ENAH: variants seen among roughly 807,000 people sequenced by gnomAD.
ENAH encodes the protein protein enabled homolog.
In ENAH, 23 loss-of-function variants were observed where a neutral mutation model predicts 78.7. The ratio of observed to expected loss-of-function variants is 0.29; its 90% confidence interval spans 0.21 to 0.41. The LOEUF (loss-of-function observed/expected upper bound fraction) is 0.41. ENAH is among the 10% of genes least tolerant of loss of function. The pLI, the probability that ENAH is intolerant of heterozygous loss-of-function variation, is 1.00. For synonymous variants in ENAH, 226 were observed against 241.0 expected (o/e 0.94, Z 0.58); for missense variants, 544 against 691.0 (o/e 0.79, Z 2.39).
Position 225,492,681 on chromosome 1 carries a change from AT to A in ENAH, c.*5093del, listed in dbSNP as rs1467791869. Reference sequence around the variant, plus strand: ...ACTCAAGGCCTACTATGTGCTTTAAATGATACTAACACTTCCGTTTAGAAGG... The same window carrying A: ...ACTCAAGGCCTACTATGTGCTTTAAAGATACTAACACTTCCGTTTAGAAGG... On this transcript the variant is annotated 3_prime_UTR_variant, in exon 14 of 14. Transcript: ENST00000366843. The A allele has an allele frequency of 6.6e-6, 1 of 152,216 alleles. No individual in the cohort carries two copies. Among genetic ancestry groups the A allele is most frequent in the African/African-American group, 2.4e-5 (1 of 41,458 alleles). The allele number at this position is 152,216 out of a possible 1,614,324, so 9.4% of individuals were successfully genotyped here.
chr1:225,504,021 T>C lies in ENAH; in HGVS notation c.1539-2951A>G, dbSNP rs78036232. On this transcript the variant is annotated intron_variant, in intron 11 of 13. Coordinates refer to ENST00000366843, the MANE Select transcript of ENAH (RefSeq NM_018212.6). ...TTTTTATTTCACTTTTTTTTTTTTT[T>C]CCTAAAAGAGGGTCTCACTCTGTCA... 2.5e-3 allele frequency among the ~76,000 whole-genome samples: 383 copies of C among 151,922 alleles called. 1 individual carries two copies. The highest frequency in any genetic ancestry group is 4.1e-3 in the Non-Finnish European group (277 of 67,932).
At chr1:225,531,115 T>C (rs2096535302) in intron 3 of ENAH, 1 of 398,168 alleles carries the variant, frequency 2.5e-6, no homozygotes, top group African/African-American at 2.1e-5. Context: ...TAGACTCCAG[T>C]ATGCTAAAGC....
intron 10 of ENAH, among the ~76,000 whole-genome samples, chr1:225,511,286 C>T (rs562131912): frequency 6.6e-6 from 1 of 152,238 alleles, no homozygotes; most frequent in East Asian, 1.9e-4. Context: ...GGATACAGTA[C>T]TCATCAAGTA....
At chr1:225,599,797 A>T (rs1043684919) in intron 1 of ENAH, among the ~76,000 whole-genome samples, 13 of 80,494 alleles carry the variant, frequency 1.6e-4, no homozygotes, top group Non-Finnish European at 2.5e-4. Flanking sequence ...ACTCCGTCTT[A>T]AAAAAAAAAA....
chr1:225,616,670 ACCAC>A (rs1655764825), intron 1 of ENAH, among the ~76,000 whole-genome samples: 1 of 152,224 alleles, frequency 6.6e-6, no homozygotes, highest in Non-Finnish European at 1.5e-5. Context: ...CAAAAGTGAT[ACCAC>A]CAATCAGAAC....
intron 3 of ENAH, among the ~76,000 whole-genome samples, chr1:225,531,218 T>A (rs558648509): frequency 3.3e-5 from 5 of 152,222 alleles, no homozygotes; most frequent in African/African-American, 1.2e-4. Context: ...TAAACTTCCA[T>A]ATAGTAATTA....
intron 1 of ENAH, among the ~76,000 whole-genome samples, chr1:225,645,910 T>C (rs1406543276): frequency 6.6e-6 from 1 of 152,234 alleles, no homozygotes; most frequent in Non-Finnish European, 1.5e-5. Context: ...TACACTTAGA[T>C]ATACATACAT....
chr1:225,628,751 T>C (rs1046296842), intron 1 of ENAH, among the ~76,000 whole-genome samples: 10 of 150,976 alleles, frequency 6.6e-5, no homozygotes, highest in Non-Finnish European at 5.9e-5. Flanking sequence ...CTACTAAAAA[T>C]ACAAAAATAG....
chr1:225,504,944 C>T (rs954327576), intron 11 of ENAH: 2 of 1,468,098 alleles, frequency 1.4e-6, no homozygotes, highest in Non-Finnish European at 1.9e-6. Flanking sequence ...CTATCCTGAA[C>T]ATGTTATTTA....
At chr1:225,518,479 C>T (rs1161520143) in intron 5 of ENAH, among the ~76,000 whole-genome samples, 2 of 152,076 alleles carry the variant, frequency 1.3e-5, no homozygotes, top group African/African-American at 4.8e-5. Flanking sequence ...TTGGCCATAA[C>T]TCCAGAAAAT....
chr1:225,587,973 AATTAT>A (rs1302679648), intron 1 of ENAH, among the ~76,000 whole-genome samples: 5 of 152,216 alleles, frequency 3.3e-5, no homozygotes, highest in Non-Finnish European at 5.9e-5. Context: ...CATACAAAAA[AATTAT>A]TCAAGATATA....
chr1:225,515,965 C>T (rs978019641), intron 6 of ENAH, among the ~76,000 whole-genome samples: 1 of 152,102 alleles, frequency 6.6e-6, no homozygotes, highest in Non-Finnish European at 1.5e-5. Context: ...ATTTGTAAGT[C>T]AACAACAACA....
At chr1:225,602,248 CAA>C (rs1558889998) in intron 1 of ENAH, among the ~76,000 whole-genome samples, 2 of 152,148 alleles carry the variant, frequency 1.3e-5, no homozygotes, top group African/African-American at 4.8e-5. Context: ...CAAAGTAAAA[CAA>C]AACGAACTCC....
At position 225,611,629 on chromosome 1, in the gene ENAH, A is replaced by T. The variant is rs374123052; in HGVS notation, c.5+41057T>A. On this transcript the variant is annotated intron_variant, in intron 1 of 13. Transcript: ENST00000366843. ...GCTACCTTGCCCAGACAAAAAAAAA[A>T]TTTTTTAATTAGCCAGGTGTGGTGG... Among the ~76,000 whole-genome samples the T allele has an allele frequency of 1.1e-3, 166 of 152,086 alleles. 1 individual carries two copies. The highest frequency in any genetic ancestry group is 7.4e-3 in the East Asian group (38 of 5,168).
At position 225,519,185 on chromosome 1, in the gene ENAH, G is replaced by A. The variant is rs1477472482; in HGVS notation, c.802+13C>T. 1 of 1,611,682 alleles carries A rather than the reference G, an allele frequency of 6.2e-7. No individual in the cohort carries two copies. Among genetic ancestry groups the A allele is most frequent in the Non-Finnish European group, 8.5e-7 (1 of 1,178,194 alleles). On this transcript the variant is annotated intron_variant, in intron 5 of 13. Transcript: ENST00000366843. ...CAGATACAAGAACACAGAAGAGTTT[G>A]TAAACTTCTTACCAGCACTTGATAT...
intron 3 of ENAH, among the ~76,000 whole-genome samples, chr1:225,548,066 T>C (rs1220970199): frequency 6.6e-6 from 1 of 152,166 alleles, no homozygotes; most frequent in Non-Finnish European, 1.5e-5. Context: ...AAATGATGGA[T>C]GAATTAATTT....
intron 12 of ENAH, among the ~76,000 whole-genome samples, chr1:225,500,633 C>T (rs1379363772): frequency 1.3e-5 from 2 of 152,134 alleles, no homozygotes; most frequent in Non-Finnish European, 2.9e-5. Context: ...TGCCTGTTTC[C>T]TTGCACTCTT....
At chr1:225,615,620 G>A (rs1312631610) in intron 1 of ENAH, among the ~76,000 whole-genome samples, 6 of 138,374 alleles carry the variant, frequency 4.3e-5, no homozygotes, top group South Asian at 2.4e-4. Flanking sequence ...CCGGCCGCCC[G>A]GCGTCTGAGA....
At chr1:225,562,403 T>C (rs1249374308) in intron 2 of ENAH, among the ~76,000 whole-genome samples, 1 of 151,116 alleles carries the variant, frequency 6.6e-6, no homozygotes, top group Non-Finnish European at 1.5e-5. Context: ...AAACCCCATC[T>C]CTACTAAAAA....
Sources: allele counts gnomAD v4.1 joint callset (sites outside exome capture counted in the v4.1 genomes callset), GRCh38; gene constraint gnomAD v4.1.1; transcripts MANE v1.5; gene names NCBI Gene and HGNC (gene_info 2026-07-23, HGNC 2026-07-21).